C6: variants seen among roughly 807,000 people sequenced by gnomAD.
C6 encodes complement C6.
Under a neutral mutation model 112.9 loss-of-function variants are expected in C6, and 101 were observed. That is an observed-to-expected ratio of 0.89 (90% CI 0.76 to 1.06). The LOEUF (loss-of-function observed/expected upper bound fraction) is 1.06. C6 is among the 50% of genes least tolerant of loss of function. The pLI is 0.00. For missense variants in C6, 1,202 were observed against 1,104.6 expected (o/e 1.09, Z -1.25); for synonymous variants, 431 against 384.1 (o/e 1.12, Z -1.43).
chr5:41,260,688 T>A (rs1742002379), intron 1 of C6, among the ~76,000 whole-genome samples: 1 of 151,698 alleles, frequency 6.6e-6, no homozygotes, highest in Non-Finnish European at 1.5e-5. Context: ...GGCAGGAGAA[T>A]CACTTGAACC....
chr5:41,177,239 C>T (rs910759796), intron 7 of C6, among the ~76,000 whole-genome samples: 2 of 152,154 alleles, frequency 1.3e-5, no homozygotes, highest in Non-Finnish European at 2.9e-5. Flanking sequence ...TAACACTTCA[C>T]ATCTCCTTTC....
chr5:41,256,388 G>C lies in C6; in HGVS notation c.-21+4806C>G, dbSNP rs146258088. Among the ~76,000 whole-genome samples, 1,448 of 145,960 alleles carry C rather than the reference G, an allele frequency of 9.9e-3. 32 individuals carry two copies. Among genetic ancestry groups the C allele is most frequent in the African/African-American group, 0.035 (1,375 of 38,932 alleles). ...GCACATGTATACATATATAACTAACGTGCACAATGTGCACATATACCCTAA... is the reference window on the plus strand; with the variant it reads ...GCACATGTATACATATATAACTAACCTGCACAATGTGCACATATACCCTAA... On this transcript the variant is annotated intron_variant, in intron 1 of 17. Coordinates refer to the C6 transcript ENST00000263413.
At chr5:41,153,157 G>A (rs901152268) in intron 15 of C6, 2 of 152,160 alleles carry the variant, frequency 1.3e-5, no homozygotes, top group African/African-American at 4.8e-5. Context: ...TCACAGTGTC[G>A]GGTTTTATTT....
In C6 at chr5:41,153,813, T is replaced by G; in HGVS notation, c.2287A>C (p.Lys763Gln). ...AGAACACTGAGCTGCTACTCACCTT[T>G]TTCACAGGTGAGAGAGTTTGAAATG... Reference protein sequence around the residue: ...PPISNSLTCEKDTLTKLKGHC... With the variant: ...PPISNSLTCEQDTLTKLKGHC... Residue 763 changes from lysine to glutamine, a missense_variant, in exon 15 of 18, where the codon AAA (lysine) becomes CAA (glutamine). Transcript: ENST00000337836. 6.2e-7 allele frequency: 1 copy of G among 1,612,012 alleles called. No individual in the cohort carries two copies. The highest frequency in any genetic ancestry group is 8.5e-7 in the Non-Finnish European group (1 of 1,179,000).
At chr5:41,191,169 C>T (rs185753857) in intron 5 of C6, among the ~76,000 whole-genome samples, 1 of 145,120 alleles carries the variant, frequency 6.9e-6, no homozygotes. Flanking sequence ...CGGGTTCAAG[C>T]GATTCTCTTG....
At chr5:41,178,460 CT>C (rs1340243074) in intron 7 of C6, among the ~76,000 whole-genome samples, 2 of 125,052 alleles carry the variant, frequency 1.6e-5, no homozygotes, top group East Asian at 4.7e-4. Context: ...TTTTCTTTTT[CT>C]TTTTCTTTTT....
At chr5:41,161,632 G>A in intron 10 of C6, 61 bp downstream of exon 10, 2 of 1,290,768 alleles carry the variant, frequency 1.5e-6, no homozygotes, top group South Asian at 1.2e-5. Flanking sequence ...TGTGTGATGT[G>A]CAATTTGGGC....
chr5:41,191,204 C>T (rs544759344), intron 5 of C6, among the ~76,000 whole-genome samples: 9 of 150,616 alleles, frequency 6.0e-5, no homozygotes, highest in South Asian at 2.1e-4. Context: ...GTAGCTGGGA[C>T]TACAGATGCC....
At chr5:41,195,626 C>A (rs1750551085) in intron 5 of C6, among the ~76,000 whole-genome samples, 166 bp downstream of exon 5, 1 of 152,228 alleles carries the variant, frequency 6.6e-6, no homozygotes, top group Non-Finnish European at 1.5e-5. Flanking sequence ...GAGTGAGGAT[C>A]ATGGCCACAT....
chr5:41,153,673 G>T, intron 15 of C6, 137 bp downstream of exon 15: 1 of 669,058 alleles, frequency 1.5e-6, no homozygotes, highest in Non-Finnish European at 2.7e-6. Flanking sequence ...GCATAGTTCC[G>T]GTTTGACCCA....
At chr5:41,234,579 C>T (rs531866457) in intron 1 of C6, among the ~76,000 whole-genome samples, 13 of 152,102 alleles carry the variant, frequency 8.5e-5, no homozygotes, top group African/African-American at 3.1e-4. Context: ...GTGGAAATAT[C>T]ATTGCTCTGT....
chr5:41,229,104 G>A (rs1487321571), intron 1 of C6, among the ~76,000 whole-genome samples: 2 of 152,002 alleles, frequency 1.3e-5, no homozygotes, highest in African/African-American at 4.8e-5. Context: ...GACAGAGCAC[G>A]ACTCCATCAA....
intron 15 of C6, 121 bp downstream of exon 15, chr5:41,153,689 T>C: frequency 1.3e-6 from 1 of 763,392 alleles, no homozygotes; most frequent in Non-Finnish European, 2.3e-6. Flanking sequence ...ACCCACACTG[T>C]CTAAACTTGC....
intron 14 of C6, 49 bp downstream of exon 14, chr5:41,154,923 A>G (rs1428674767): frequency 3.2e-6 from 5 of 1,582,710 alleles, no homozygotes; most frequent in South Asian, 1.1e-5. Context: ...TATATTGGGC[A>G]CATTCATTCT....
intron 13 of C6, among the ~76,000 whole-genome samples, chr5:41,158,242 C>T (rs1747107467): frequency 6.6e-6 from 1 of 151,980 alleles, no homozygotes; most frequent in Admixed American, 6.6e-5. Flanking sequence ...ATGGTTTTGA[C>T]TGATTAAGAG....
At chr5:41,195,284 C>T (rs1205361627) in intron 5 of C6, among the ~76,000 whole-genome samples, 6 of 152,082 alleles carry the variant, frequency 3.9e-5, no homozygotes, top group Non-Finnish European at 8.8e-5. Context: ...CTTTATCGCT[C>T]ATTATTTGAC....
chr5:41,196,703 T>G (rs1368209508), intron 4 of C6, among the ~76,000 whole-genome samples: 1 of 151,790 alleles, frequency 6.6e-6, no homozygotes, highest in African/African-American at 2.4e-5. Context: ...ATTGTTTTCC[T>G]GCATATAATT....
At chr5:41,245,499 C>G (rs1375521253) in intron 1 of C6, among the ~76,000 whole-genome samples, 1 of 56,480 alleles carries the variant, frequency 1.8e-5, no homozygotes, top group Admixed American at 2.5e-4. Context: ...CCAGCCTGGG[C>G]AAAAAGAAAA....
At chr5:41,199,234 G>A (rs1750828273) in intron 4 of C6, among the ~76,000 whole-genome samples, 2 of 152,164 alleles carry the variant, frequency 1.3e-5, no homozygotes, top group Admixed American at 1.3e-4. Context: ...TCATTCATCT[G>A]AAATTTAATT....
Sources: allele counts gnomAD v4.1 joint callset (sites outside exome capture counted in the v4.1 genomes callset), GRCh38; gene constraint gnomAD v4.1.1; transcripts MANE v1.5; gene names NCBI Gene and HGNC (gene_info 2026-07-23, HGNC 2026-07-21).